Variants in PA2G4 observed in about 807,000 individuals in gnomAD.
PA2G4 encodes the protein proliferation-associated protein 2G4.
Under a neutral mutation model 53.3 loss-of-function variants are expected in PA2G4, and 8 were observed. That is an observed-to-expected ratio of 0.15 (90% CI 0.09 to 0.27). PA2G4 has a LOEUF of 0.27. PA2G4 is among the 10% of genes least tolerant of loss of function. The pLI, the probability that PA2G4 is intolerant of heterozygous loss-of-function variation, is 1.00. For missense variants in PA2G4, 208 were observed against 486.8 expected, an observed-to-expected ratio of 0.43 and a Z score of 5.39; for synonymous variants, 143 against 169.8, an observed-to-expected ratio of 0.84 and a Z score of 1.23.
At chr12:56,106,953 A>G in intron 2 of PA2G4, 37 bp from the exon 3 acceptor site, 12 of 1,528,654 alleles carry the variant, frequency 7.9e-6, no homozygotes, top group Non-Finnish European at 1.1e-5. Flanking sequence ...CTCCCGGGAG[A>G]CAGCAAGGCA....
In PA2G4 at chr12:56,109,215, A is replaced by C; in HGVS notation, c.487-15A>C. On this transcript the variant is annotated splice_polypyrimidine_tract_variant and intron_variant, in intron 5 of 12. Coordinates refer to ENST00000303305, the MANE Select transcript of PA2G4 (RefSeq NM_006191.3). ...CTCCTGATATCTCACCTTTCATTTGATGTTGTACTTCTAGAACACACAAGT... is the reference window on the plus strand; with the variant it reads ...CTCCTGATATCTCACCTTTCATTTGCTGTTGTACTTCTAGAACACACAAGT... 1 of 1,588,412 alleles carries C rather than the reference A, an allele frequency of 6.3e-7. No individual in the cohort carries two copies.
Position 56,104,664 on chromosome 12 carries a change from G to T in PA2G4, c.-74G>T, listed in dbSNP as rs749782522. On this transcript the variant is annotated 5_prime_UTR_variant, in exon 1 of 13. Transcript: ENST00000303305. ...GAGGATCGAGGGGACTCTGACCACA[G>T]CCTGTGGCTGGGAAGGGAGACAGAG... 6 of 1,362,794 alleles carry T rather than the reference G, an allele frequency of 4.4e-6. No homozygotes were observed. The highest frequency in any genetic ancestry group is 1.8e-4 in the Middle Eastern group (1 of 5,482). The allele number at this position is 1,362,794 out of a possible 1,614,324, so 84.4% of individuals were successfully genotyped here. A position where few individuals can be genotyped will look rare whatever the true frequency, so the allele number is the denominator to read the frequency against.
At position 56,112,960 on chromosome 12, in the gene PA2G4, T is replaced by C. The variant is rs1268721732; in HGVS notation, c.*72T>C. The stretch of plus-strand genomic sequence containing the variant: ...CCACCAAACCCCAGACTCTGTGAAG[T>C]GCAGTTCTTCTCCACCTAGGACCGC... On this transcript the variant is annotated 3_prime_UTR_variant, in exon 13 of 13. Transcript: ENST00000303305. 15 of 1,046,006 alleles carry C rather than the reference T, an allele frequency of 1.4e-5. No homozygotes were observed. The highest frequency in any genetic ancestry group is 2.7e-5 in the Admixed American group (1 of 36,766). 64.8% of individuals were successfully genotyped at this position (1,046,006 alleles called of 1,614,324 possible).
intron 10 of PA2G4, 31 bp downstream of exon 10, chr12:56,111,089 T>A: frequency 6.2e-7 from 1 of 1,612,330 alleles, no homozygotes; most frequent in Non-Finnish European, 8.5e-7. Flanking sequence ...CACTTTGGAT[T>A]CCCTGATTAT....
chr12:56,104,905 G>A (rs1427842160), intron 1 of PA2G4, 80 bp downstream of exon 1: 2 of 1,262,782 alleles, frequency 1.6e-6, no homozygotes, highest in African/African-American at 1.5e-5. Context: ...CTGGAGCGGA[G>A]GGGTCATGCG....
Position 56,111,178 on chromosome 12 carries a change from A to T in PA2G4, c.938-4A>T, listed in dbSNP as rs770222851. The T allele has an allele frequency of 1.4e-5, 22 of 1,614,106 alleles. No homozygotes were observed. The Admixed American group carries it at 3.7e-4, about 27-fold the overall frequency. ...ATCAAAACACATCTTCATTTTTGCCATAGGTGAATTTGTTGCCCAGTTTAA... is the reference window on the plus strand; with the variant it reads ...ATCAAAACACATCTTCATTTTTGCCTTAGGTGAATTTGTTGCCCAGTTTAA... On this transcript the variant is annotated splice_region_variant and splice_polypyrimidine_tract_variant and intron_variant, in intron 10 of 12. Transcript: ENST00000303305.
At chr12:56,104,884 C>T in intron 1 of PA2G4, 59 bp downstream of exon 1, 1 of 1,436,270 alleles carries the variant, frequency 7.0e-7, no homozygotes, top group Non-Finnish European at 9.8e-7. Context: ...AACAGGCTGG[C>T]CCGGAAGGGG....
Position 56,113,616 on chromosome 12 carries a change from C to T in PA2G4, c.*728C>T. ...TGGGGTCTTTCCTCGCTCCATCTTA[C>T]ACAGACCTGAGCTGGAAGCTCAACT... On this transcript the variant is annotated 3_prime_UTR_variant, in exon 13 of 13. Coordinates refer to ENST00000303305, the MANE Select transcript of PA2G4 (RefSeq NM_006191.3). 2 of 563,630 alleles carry T rather than the reference C, an allele frequency of 3.5e-6. No individual in the cohort carries two copies. The highest frequency in any genetic ancestry group is 4.7e-5 in the South Asian group (2 of 42,588). 34.9% of individuals were successfully genotyped at this position (563,630 alleles called of 1,614,324 possible).
rs769898514 is a variant in PA2G4 at position 56,113,847 on chromosome 12, T to A, written c.*959T>A. On this transcript the variant is annotated 3_prime_UTR_variant, in exon 13 of 13. Coordinates refer to ENST00000303305, the MANE Select transcript of PA2G4 (RefSeq NM_006191.3). ...GGAAACTAGGGCTCCCACTAACTTA[T>A]GAGGTTTTTAAACACATTGAAAATG... is the stretch of plus-strand genomic sequence containing the variant. 9 of 702,156 alleles carry A rather than the reference T, an allele frequency of 1.3e-5. No individual in the cohort carries two copies. The highest frequency in any genetic ancestry group is 1.2e-4 in the African/African-American group (7 of 57,224). The allele number at this position is 702,156 out of a possible 1,614,324, so 43.5% of individuals were successfully genotyped here. A position where few individuals can be genotyped will look rare whatever the true frequency, so the allele number is the denominator to read the frequency against.
Position 56,106,718 on chromosome 12 carries a change from T to TG in PA2G4, c.217+2_217+3insG. The TG allele has an allele frequency of 7.3e-7, 1 of 1,363,522 alleles. No homozygotes were observed. Among genetic ancestry groups the TG allele is most frequent in the Non-Finnish European group, 1.0e-6 (1 of 1,003,206 alleles). 84.5% of individuals were successfully genotyped at this position (1,363,522 alleles called of 1,614,324 possible). On this transcript the variant is annotated splice_region_variant and intron_variant, in intron 2 of 12. Transcript: ENST00000303305. ...AGAAAGAAAAGGAAATGAAGAAAGG[T>TG]AAAAAAAAAAAATCCCTCACTAATT...
chr12:56,106,707 A>G lies in PA2G4; in HGVS notation c.208A>G (p.Met70Val). ...GAAAATCTTCAAGAAAGAAAAGGAA[A>G]TGAAGAAAGGTAAAAAAAAAAAATC... is the stretch of plus-strand genomic sequence containing the variant. ...TGKIFKKEKEMKKGIAFPTSI... is the reference protein window; with the variant it reads ...TGKIFKKEKEVKKGIAFPTSI... The change falls in exon 2 of 13, where the codon ATG becomes GTG. Residue 70 changes from methionine to valine, a missense_variant. Physicochemically the swap from Met to Val is conservative, Grantham distance 21 (BLOSUM62 1). Coordinates refer to ENST00000303305, the MANE Select transcript of PA2G4 (RefSeq NM_006191.3). The G allele has an allele frequency of 6.3e-7, 1 of 1,585,344 alleles. No individual in the cohort carries two copies. Among genetic ancestry groups the G allele is most frequent in the Non-Finnish European group, 8.5e-7 (1 of 1,173,600 alleles).
At chr12:56,105,927 G>A (rs1869289665) in intron 1 of PA2G4, among the ~76,000 whole-genome samples, 1 of 152,190 alleles carries the variant, frequency 6.6e-6, no homozygotes, top group East Asian at 1.9e-4. Flanking sequence ...CCAAAACTGA[G>A]ATACCAAAAG....
chr12:56,107,651 C>A, intron 5 of PA2G4, 38 bp downstream of exon 5: 1 of 1,421,816 alleles, frequency 7.0e-7, no homozygotes. Context: ...TCGTTTGAAC[C>A]AAAGATGCAT....
In PA2G4 at chr12:56,110,631, A is replaced by G. The variant is rs775245696; in HGVS notation, c.781A>G (p.Thr261Ala). ...TAAACAGTATGGACTGAAAATGAAAACTTCACGTGCCTTCTTCAGTGAGGT... is the reference window on the plus strand; with the variant it reads ...TAAACAGTATGGACTGAAAATGAAAGCTTCACGTGCCTTCTTCAGTGAGGT... ...PSKQYGLKMK[T>A]SRAFFSEVER... The change falls in exon 9 of 13, where the codon ACT becomes GCT. Residue 261 changes from threonine (T) to alanine (A), a missense_variant. This residue lies in a region of PA2G4 where 143 missense variants were observed against 386.8 expected (regional missense o/e 0.37). Transcript: ENST00000303305. The G allele has an allele frequency of 6.2e-7, 1 of 1,614,132 alleles. No individual in the cohort carries two copies. Among genetic ancestry groups the G allele is most frequent in the African/African-American group, 1.3e-5 (1 of 75,018 alleles).
chr12:56,108,588 A>C (rs1869349359), intron 5 of PA2G4, among the ~76,000 whole-genome samples: 1 of 152,248 alleles, frequency 6.6e-6, no homozygotes, highest in Admixed American at 6.5e-5. Flanking sequence ...GCCCAACTGT[A>C]GGATAATGTT....
Position 56,104,609 on chromosome 12 carries a change from C to G in PA2G4, c.-129C>G, listed in dbSNP as rs1869246304. 1 of 938,512 alleles carries G rather than the reference C, an allele frequency of 1.1e-6. No individual in the cohort carries two copies. Among genetic ancestry groups the G allele is most frequent in the Non-Finnish European group, 1.8e-6 (1 of 564,366 alleles). The allele number at this position is 938,512 out of a possible 1,614,324, so 58.1% of individuals were successfully genotyped here. The stretch of plus-strand genomic sequence containing the variant: ...TCTCGCCTGCCTGCCCGCTCCCTTG[C>G]TTGCTCGCGCTTTCGCTCGCCCTCT... On this transcript the variant is annotated 5_prime_UTR_variant, in exon 1 of 13. Transcript: ENST00000303305.
intron 4 of PA2G4, 88 bp from the exon 5 acceptor site, chr12:56,107,433 C>T (rs1485610504): frequency 4.7e-6 from 5 of 1,065,044 alleles, no homozygotes; most frequent in African/African-American, 1.6e-5. Context: ...GGCTGGTCTT[C>T]GCATATGGGC....
In PA2G4 at chr12:56,113,774, T is replaced by C. The variant is rs1282388696; in HGVS notation, c.*886T>C. On this transcript the variant is annotated 3_prime_UTR_variant, in exon 13 of 13. Coordinates refer to ENST00000303305, the MANE Select transcript of PA2G4 (RefSeq NM_006191.3). ...TGGACTTGGATTGGATTGCTGGGGG[T>C]TTGTAGAGAAAGGTGACAAATTTCA... The C allele has an allele frequency of 1.4e-6, 1 of 694,834 alleles. No homozygotes were observed. The highest frequency in any genetic ancestry group is 1.5e-5 in the South Asian group (1 of 66,598). 43.0% of individuals were successfully genotyped at this position (694,834 alleles called of 1,614,324 possible). A position where few individuals can be genotyped will look rare whatever the true frequency, so the allele number is the denominator to read the frequency against.
At chr12:56,112,743 A>T (rs1869456393) in intron 12 of PA2G4, 80 bp from the exon 13 acceptor site, 1 of 990,716 alleles carries the variant, frequency 1.0e-6, no homozygotes, top group Non-Finnish European at 1.5e-6. Flanking sequence ...AGAAAAAAAA[A>T]TACTTTTATC....
Sources: allele counts gnomAD v4.1 joint callset (sites outside exome capture counted in the v4.1 genomes callset), GRCh38; gene constraint gnomAD v4.1.1; regional missense constraint gnomAD v4.1.1; transcripts MANE v1.5; gene names NCBI Gene and HGNC (gene_info 2026-07-23, HGNC 2026-07-21).